The following NTNG1 variants were observed in gnomAD, a reference collection of about 807,000 sequenced individuals.
The protein encoded by NTNG1 is netrin-G1.
In NTNG1, 16 loss-of-function variants were observed where a neutral mutation model predicts 54.0. That is an observed-to-expected ratio of 0.30 (90% CI 0.20 to 0.45). NTNG1 has a LOEUF of 0.45. Ranked by LOEUF, NTNG1 falls within the 20% of genes least tolerant of loss-of-function variation. The pLI, the probability that NTNG1 is intolerant of heterozygous loss-of-function variation, is 1.00. For missense variants in NTNG1, 530 were observed against 678.7 expected, an observed-to-expected ratio of 0.78 and a Z score of 2.43; for synonymous variants, 255 against 263.1, an observed-to-expected ratio of 0.97 and a Z score of 0.30.
chr1:107,395,507 A>C (rs543278465), intron 4 of NTNG1, 181 bp downstream of exon 4: 5 of 755,324 alleles, frequency 6.6e-6, no homozygotes, highest in Non-Finnish European at 1.2e-5. Context: ...TCTGATCATC[A>C]GTAAAATTCA....
In NTNG1 at chr1:107,156,339, A is replaced by T. The variant is rs1557767263; in HGVS notation, c.246+7500A>T. ...CTTTTTCTGTAGACTATATATGAGA[A>T]TTTTTTTCTATTTCTAATTAAATAT... is the stretch of plus-strand genomic sequence containing the variant. On this transcript the variant is annotated intron_variant, in intron 2 of 7. Coordinates refer to ENST00000370068, the MANE Select transcript of NTNG1 (RefSeq NM_001113226.3). 2.6e-5 allele frequency among the ~76,000 whole-genome samples: 4 copies of T among 152,210 alleles called. No individual in the cohort carries two copies. In the Middle Eastern group the frequency reaches 0.01, roughly 388 times the overall value.
intron 5 of NTNG1, among the ~76,000 whole-genome samples, chr1:107,425,615 A>G (rs1442836045): frequency 6.6e-6 from 1 of 152,126 alleles, no homozygotes; most frequent in African/African-American, 2.4e-5. Context: ...TGACTTTGCT[A>G]TCATACATAG....
intron 2 of NTNG1, among the ~76,000 whole-genome samples, chr1:107,270,601 A>G (rs1231362745): frequency 1.3e-5 from 2 of 152,152 alleles, no homozygotes; most frequent in Non-Finnish European, 2.9e-5. Flanking sequence ...GTTTACCAGT[A>G]GTTCATAATT....
At chr1:107,450,109 A>G (rs533516905) in intron 7 of NTNG1, among the ~76,000 whole-genome samples, 2 of 152,268 alleles carry the variant, frequency 1.3e-5, no homozygotes, top group African/African-American at 4.8e-5. Context: ...CTAGAAAAAT[A>G]TATTAACACC....
chr1:107,213,318 A>G (rs1659716962), intron 2 of NTNG1, among the ~76,000 whole-genome samples: 1 of 152,126 alleles, frequency 6.6e-6, no homozygotes, highest in African/African-American at 2.4e-5. Flanking sequence ...AGAGACTGTC[A>G]CAAGAAATCG....
At chr1:107,209,178 C>G (rs1659428365) in intron 2 of NTNG1, among the ~76,000 whole-genome samples, 1 of 151,944 alleles carries the variant, frequency 6.6e-6, no homozygotes, top group African/African-American at 2.4e-5. Flanking sequence ...CTTTTCTACT[C>G]TGTCCTGACC....
chr1:107,160,860 C>T (rs1655349020), intron 2 of NTNG1, among the ~76,000 whole-genome samples: 2 of 152,216 alleles, frequency 1.3e-5, no homozygotes, highest in East Asian at 1.9e-4. Context: ...CAGGTCTCCA[C>T]TTAAAAAACC....
Position 107,322,006 on chromosome 1 carries a change from G to A in NTNG1, c.247-2276G>A, listed in dbSNP as rs1023014120. On this transcript the variant is annotated intron_variant, in intron 2 of 7. Coordinates refer to ENST00000370068, the MANE Select transcript of NTNG1 (RefSeq NM_001113226.3). ...AAAAGGATTACCCAGGAAAATGTAC[G>A]TAGTGTCCAGCACGCAAGTGCTAAC... Among the ~76,000 whole-genome samples, 4 of 152,288 alleles carry A rather than the reference G, an allele frequency of 2.6e-5. 1 individual carries two copies. The highest frequency in any genetic ancestry group is 4.1e-4 in the South Asian group (2 of 4,830).
At chr1:107,207,022 G>GA (rs1357760213) in intron 2 of NTNG1, among the ~76,000 whole-genome samples, 1 of 151,784 alleles carries the variant, frequency 6.6e-6, no homozygotes, top group Non-Finnish European at 1.5e-5. Flanking sequence ...TTTCTAAAAG[G>GA]AAAAAAAATT....
At chr1:107,172,384 G>A (rs777666479) in intron 2 of NTNG1, among the ~76,000 whole-genome samples, 1 of 152,068 alleles carries the variant, frequency 6.6e-6, no homozygotes, top group Non-Finnish European at 1.5e-5. Context: ...TTTTATATGT[G>A]TTCATTCATA....
intron 2 of NTNG1, among the ~76,000 whole-genome samples, chr1:107,295,226 A>G (rs1240279050): frequency 6.6e-6 from 1 of 152,060 alleles, no homozygotes; most frequent in African/African-American, 2.4e-5. Context: ...GTCTCACCCA[A>G]CTTTGCTTCT....
intron 7 of NTNG1, among the ~76,000 whole-genome samples, chr1:107,477,713 TAC>T (rs1311217922): frequency 1.9e-5 from 1 of 54,048 alleles, no homozygotes; most frequent in Admixed American, 2.7e-4. Flanking sequence ...AATTTGTAAA[TAC>T]GTTTTTTGTA....
intron 2 of NTNG1, among the ~76,000 whole-genome samples, chr1:107,188,297 C>G (rs1241544961): frequency 6.6e-6 from 1 of 152,098 alleles, no homozygotes; most frequent in African/African-American, 2.4e-5. Context: ...GGCAGTAAGA[C>G]AAGGGGTGAT....
At chr1:107,273,435 CA>C (rs1055451725) in intron 2 of NTNG1, among the ~76,000 whole-genome samples, 3 of 152,138 alleles carry the variant, frequency 2.0e-5, no homozygotes, top group African/African-American at 7.2e-5. Flanking sequence ...TTTGAAAGTG[CA>C]AAATGTAAAG....
At chr1:107,381,880 C>T (rs1671667827) in intron 3 of NTNG1, among the ~76,000 whole-genome samples, 1 of 152,144 alleles carries the variant, frequency 6.6e-6, no homozygotes, top group Admixed American at 6.5e-5. Flanking sequence ...ATGTCATGGC[C>T]AAAATGATGA....
chr1:107,403,456 T>C (rs1170842407), intron 4 of NTNG1, among the ~76,000 whole-genome samples: 5 of 152,138 alleles, frequency 3.3e-5, no homozygotes, highest in Non-Finnish European at 7.3e-5. Flanking sequence ...ATACCTGTAA[T>C]CCCAGCACTT....
intron 4 of NTNG1, among the ~76,000 whole-genome samples, chr1:107,405,847 C>G (rs1384932811): frequency 2.0e-5 from 3 of 152,084 alleles, no homozygotes; most frequent in Non-Finnish European, 2.9e-5. Flanking sequence ...GCCATCATAT[C>G]TCACTCAACA....
intron 2 of NTNG1, among the ~76,000 whole-genome samples, chr1:107,249,179 A>ATAATAC (rs1198762851): frequency 4.0e-5 from 6 of 150,080 alleles, no homozygotes; most frequent in Non-Finnish European, 7.4e-5. Context: ...AATAATAATA[A>ATAATAC]TAATTTAAAA....
chr1:107,263,505 A>T (rs555167598), intron 2 of NTNG1, among the ~76,000 whole-genome samples: 32 of 152,198 alleles, frequency 2.1e-4, no homozygotes, highest in Non-Finnish European at 4.1e-4. Flanking sequence ...ACATTTTAAG[A>T]ATGTAGTAGG....
Sources: allele counts gnomAD v4.1 joint callset (sites outside exome capture counted in the v4.1 genomes callset), GRCh38; gene constraint gnomAD v4.1.1; transcripts MANE v1.5; gene names NCBI Gene and HGNC (gene_info 2026-07-23, HGNC 2026-07-21).